The following ADK variants were observed in gnomAD, a reference collection of about 807,000 sequenced individuals.
ADK encodes the protein N6,N6-dimethyladenosine kinase.
ADK carries 24 observed loss-of-function variants against 44.7 expected under a neutral mutation model. The observed-to-expected ratio is 0.54, with a 90% CI of 0.39 to 0.76. The LOEUF is 0.76. Among genes scored for constraint, ADK ranks in the 30% least tolerant of loss-of-function variants. The pLI is 0.00. For synonymous variants in ADK, 128 were observed against 142.6 expected (o/e 0.90, Z 0.73); for missense variants, 321 against 425.1 (o/e 0.76, Z 2.15).
chr10:74,422,871 T>C (rs1592189957), intron 6 of ADK, among the ~76,000 whole-genome samples: 1 of 152,166 alleles, frequency 6.6e-6, no homozygotes, highest in African/African-American at 2.4e-5. Flanking sequence ...TTCATGGCTG[T>C]CACAATAATG....
chr10:74,424,535 C>CAAAAAAAAAAA lies in ADK; in HGVS notation c.555+25979_555+25989dup, dbSNP rs57106986. Among the ~76,000 whole-genome samples, 41 of 58,458 alleles carry CAAAAAAAAAAA rather than the reference C, an allele frequency of 7.0e-4. 4 individuals are homozygous for CAAAAAAAAAAA. The highest frequency in any genetic ancestry group is 2.7e-3 in the African/African-American group (37 of 13,736). 38.4% of individuals were successfully genotyped at this position (58,458 alleles called of 152,430 possible). A position where few individuals can be genotyped will look rare whatever the true frequency, so the allele number is the denominator to read the frequency against. On this transcript the variant is annotated intron_variant, in intron 6 of 10. Coordinates refer to ENST00000539909, the MANE Select transcript of ADK (RefSeq NM_006721.4). ...GGGCAACAAGAGCAAAACTCCGTCT[C>CAAAAAAAAAAA]AAAAAAAAAAAAAAAAAAAAAAAAA...
intron 7 of ADK, among the ~76,000 whole-genome samples, chr10:74,542,622 C>T (rs1849678453): frequency 6.6e-6 from 1 of 152,120 alleles, no homozygotes; most frequent in African/African-American, 2.4e-5. Flanking sequence ...CTTCCTCATT[C>T]CCCATTCTGT....
intron 4 of ADK, among the ~76,000 whole-genome samples, chr10:74,335,925 A>G (rs900544016): frequency 1.3e-5 from 2 of 152,188 alleles, no homozygotes; most frequent in African/African-American, 4.8e-5. Context: ...TCTGCAGACA[A>G]GACTTATCAG....
chr10:74,485,552 G>A (rs1484955197), intron 6 of ADK, among the ~76,000 whole-genome samples: 3 of 151,882 alleles, frequency 2.0e-5, no homozygotes, highest in East Asian at 1.9e-4. Context: ...CCACAATGAG[G>A]TATCATTTTA....
chr10:74,698,064 T>C (rs1202353067), intron 10 of ADK, among the ~76,000 whole-genome samples: 3 of 152,212 alleles, frequency 2.0e-5, no homozygotes, highest in African/African-American at 7.2e-5. Flanking sequence ...TGTTCCAGGA[T>C]TCAGAGCCAG....
Position 74,532,439 on chromosome 10 carries a change from C to T in ADK, c.726+7013C>T, listed in dbSNP as rs555206908. 2.7e-5 allele frequency among the ~76,000 whole-genome samples: 4 copies of T among 148,328 alleles called. No individual in the cohort carries two copies. The East Asian group carries it at 8.0e-4, about 30-fold the overall frequency. On this transcript the variant is annotated intron_variant, in intron 7 of 10. Coordinates refer to ENST00000539909, the MANE Select transcript of ADK (RefSeq NM_006721.4). ...GTTGCAGTGAGCCAAGATCATGCCA[C>T]CACACGCCAGCCTGGGCAACAGGGT...
At position 74,394,327 on chromosome 10, in the gene ADK, C is replaced by G; in HGVS notation, c.446+14C>G. The G allele has an allele frequency of 6.2e-7, 1 of 1,612,612 alleles. No homozygotes were observed. On this transcript the variant is annotated intron_variant, in intron 5 of 10. Coordinates refer to ENST00000539909, the MANE Select transcript of ADK (RefSeq NM_006721.4). ...TGGTGACAACAGGTCAGTGTAATTCCAAGGGAACCACTATACTAATTGGCT... is the reference window on the plus strand; with the variant it reads ...TGGTGACAACAGGTCAGTGTAATTCGAAGGGAACCACTATACTAATTGGCT...
intron 3 of ADK, among the ~76,000 whole-genome samples, chr10:74,233,777 C>T (rs1176764740): frequency 6.6e-6 from 1 of 152,160 alleles, no homozygotes; most frequent in Non-Finnish European, 1.5e-5. Context: ...GTTCAGTGAT[C>T]CCTCTGGGTA....
intron 3 of ADK, among the ~76,000 whole-genome samples, chr10:74,292,102 T>G (rs550608068): frequency 6.6e-6 from 1 of 152,174 alleles, no homozygotes; most frequent in African/African-American, 2.4e-5. Flanking sequence ...TCTCTCCCTC[T>G]CTACTTACCT....
chr10:74,213,437 A>C (rs966246035), intron 2 of ADK, among the ~76,000 whole-genome samples: 3 of 152,108 alleles, frequency 2.0e-5, no homozygotes, highest in African/African-American at 7.2e-5. Context: ...GTTTGACGCA[A>C]TATTATTCAA....
intron 6 of ADK, among the ~76,000 whole-genome samples, chr10:74,404,323 A>G (rs1394706560): frequency 6.6e-6 from 1 of 152,138 alleles, no homozygotes; most frequent in Admixed American, 6.5e-5. Flanking sequence ...AAGACTTAAT[A>G]AGAAAAAATT....
chr10:74,550,626 G>T (rs767929230), intron 7 of ADK, among the ~76,000 whole-genome samples: 6 of 152,062 alleles, frequency 3.9e-5, no homozygotes, highest in Non-Finnish European at 7.4e-5. Flanking sequence ...AGTAGTGTTT[G>T]GTAGATTGGA....
Position 74,670,202 on chromosome 10 carries a change from T to G in ADK, c.897T>G (p.Phe299Leu). The G allele has an allele frequency of 6.2e-7, 1 of 1,613,964 alleles. No individual in the cohort carries two copies. Among genetic ancestry groups the G allele is most frequent in the Non-Finnish European group, 8.5e-7 (1 of 1,179,910 alleles). Residue 299 changes from phenylalanine to leucine, a missense_variant, in exon 10 of 11, where the codon TTT (phenylalanine) becomes TTG (leucine). Phe to Leu is a conservative substitution (Grantham distance 22, BLOSUM62 0). Coordinates refer to ENST00000539909, the MANE Select transcript of ADK (RefSeq NM_006721.4). ...TTGCAGAAAGTGAAGTCACTGCTTTTGCTGTCTTGGATCAAGACCAGAAAG... is the reference window on the plus strand; with the variant it reads ...TTGCAGAAAGTGAAGTCACTGCTTTGGCTGTCTTGGATCAAGACCAGAAAG... ...IMATESEVTAFAVLDQDQKEI... is the reference protein window; with the variant it reads ...IMATESEVTALAVLDQDQKEI...
At chr10:74,205,852 T>C (rs1270547930) in intron 2 of ADK, among the ~76,000 whole-genome samples, 1 of 152,148 alleles carries the variant, frequency 6.6e-6, no homozygotes, top group Non-Finnish European at 1.5e-5. Flanking sequence ...TAGGTAACTA[T>C]GTCGATAACT....
intron 7 of ADK, among the ~76,000 whole-genome samples, chr10:74,536,571 A>G (rs973687882): frequency 1.3e-5 from 2 of 151,428 alleles, no homozygotes; most frequent in Non-Finnish European, 2.9e-5. Context: ...GCAATGTTGT[A>G]CAGCCATCAC....
intron 1 of ADK, chr10:74,174,396 A>G (rs1842260943): frequency 6.6e-6 from 1 of 151,242 alleles, no homozygotes; most frequent in Non-Finnish European, 1.5e-5. Context: ...CAAACCAGAT[A>G]CCTTTTGCTA....
In ADK at chr10:74,194,087, G is replaced by GA. The variant is rs780946074; in HGVS notation, c.66-6676dup. 4.7e-4 allele frequency among the ~76,000 whole-genome samples: 71 copies of GA among 152,260 alleles called. 1 individual carries two copies. The highest frequency in any genetic ancestry group is 1.7e-3 in the South Asian group (8 of 4,818). On this transcript the variant is annotated intron_variant, in intron 1 of 10. Coordinates refer to ENST00000539909, the MANE Select transcript of ADK (RefSeq NM_006721.4). The stretch of plus-strand genomic sequence containing the variant: ...TACATTGTTAACAGCACTCTTGAGT[G>GA]ATGTTGGTGGCAGCTTGTATATCTT...
At chr10:74,333,591 G>A (rs1301419935) in intron 4 of ADK, among the ~76,000 whole-genome samples, 1 of 152,074 alleles carries the variant, frequency 6.6e-6, no homozygotes, top group Non-Finnish European at 1.5e-5. Flanking sequence ...AGTATGAAGG[G>A]ATGCCTGCCA....
At chr10:74,282,922 G>GA (rs1267510117) in intron 3 of ADK, among the ~76,000 whole-genome samples, 2 of 152,078 alleles carry the variant, frequency 1.3e-5, no homozygotes, top group Non-Finnish European at 1.5e-5. Flanking sequence ...AGAATCTATT[G>GA]AAAAAATACC....
Sources: gnomAD v4.1 joint callset for allele counts (sites outside exome capture counted in the v4.1 genomes callset) on GRCh38, gnomAD v4.1.1 for gene constraint, MANE v1.5 for transcripts, NCBI Gene and HGNC (gene_info 2026-07-23, HGNC 2026-07-21) for gene names.